The following GBF1 variants were observed in gnomAD, a reference collection of about 807,000 sequenced individuals.
GBF1 encodes the protein Golgi-specific brefeldin A-resistance guanine nucleotide exchange factor 1.
In GBF1, 114 loss-of-function variants were observed where a neutral mutation model predicts 210.5. The ratio of observed to expected loss-of-function variants is 0.54; its 90% CI spans 0.47 to 0.63. The LOEUF (loss-of-function observed/expected upper bound fraction) is 0.63, where lower values mean the gene tolerates loss of function less well. Among genes scored for constraint, GBF1 ranks in the 30% least tolerant of loss-of-function variants. GBF1 has a pLI of 0.00. For missense variants in GBF1, 1,851 were observed against 2,357.7 expected (o/e 0.79, Z 4.45); for synonymous variants, 850 against 889.2 (o/e 0.96, Z 0.78).
intron 3 of GBF1, among the ~76,000 whole-genome samples, chr10:102,322,605 C>G (rs1024207947): frequency 7.3e-5 from 11 of 149,938 alleles, no homozygotes; most frequent in Non-Finnish European, 1.5e-5. Context: ...GTTCTCCTTA[C>G]ATGTGGTGTC....
At chr10:102,303,940 T>A (rs1190286082) in intron 3 of GBF1, among the ~76,000 whole-genome samples, 1 of 152,188 alleles carries the variant, frequency 6.6e-6, no homozygotes, top group Admixed American at 6.5e-5. Flanking sequence ...AAACTGAGGC[T>A]TAGAGAAGTT....
At chr10:102,348,682 T>C (rs2058740558) in intron 4 of GBF1, among the ~76,000 whole-genome samples, 1 of 152,176 alleles carries the variant, frequency 6.6e-6, no homozygotes, top group South Asian at 2.1e-4. Flanking sequence ...TTATATGTCA[T>C]GAAACTGGCT....
chr10:102,325,564 AAAG>A (rs2056828285), intron 3 of GBF1, among the ~76,000 whole-genome samples: 2 of 151,574 alleles, frequency 1.3e-5, no homozygotes, highest in African/African-American at 2.4e-5. Context: ...AAAAAAAAAA[AAAG>A]AAAGAAAAAA....
chr10:102,289,688 T>C (rs900130743), intron 3 of GBF1, among the ~76,000 whole-genome samples: 6 of 152,202 alleles, frequency 3.9e-5, no homozygotes, highest in African/African-American at 1.4e-4. Flanking sequence ...GGAAAATCCT[T>C]TGGGTGTTTT....
intron 3 of GBF1, among the ~76,000 whole-genome samples, chr10:102,319,777 G>A (rs527787639): frequency 2.8e-5 from 4 of 141,950 alleles, no homozygotes; most frequent in Non-Finnish European, 6.0e-5. Flanking sequence ...CGCCCAGGCT[G>A]GAGTGCAGTG....
Position 102,362,564 on chromosome 10 carries a change from C to T in GBF1, c.1776C>T (p.His592=), listed in dbSNP as rs1277877553. ...LLTVIDSTEA[H]CQAKVLNSLT... is the part of the protein sequence containing the mutation. ...CAGTGATTGACAGCACCGAGGCCCA[C>T]TGCCAGGCTAAAGTCCTCAACAGCC... Residue 592 remains histidine (H), a synonymous_variant, in exon 15 of 40, where the codon CAC becomes CAT. Transcript: ENST00000369983. 6.2e-7 allele frequency: 1 copy of T among 1,614,050 alleles called. No individual in the cohort carries two copies. The highest frequency in any genetic ancestry group is 8.5e-7 in the Non-Finnish European group (1 of 1,179,868).
At chr10:102,261,414 C>T (rs867917496) in intron 3 of GBF1, among the ~76,000 whole-genome samples, 1 of 151,998 alleles carries the variant, frequency 6.6e-6, no homozygotes, top group Admixed American at 6.6e-5. Context: ...CAGTGTATAA[C>T]CCTGGAATGC....
intron 3 of GBF1, among the ~76,000 whole-genome samples, chr10:102,333,128 C>T (rs1488792760): frequency 6.6e-6 from 1 of 152,134 alleles, no homozygotes; most frequent in Non-Finnish European, 1.5e-5. Flanking sequence ...AAACTATGGC[C>T]CAGAGAAATG....
chr10:102,346,984 A>G (rs1381886660), intron 4 of GBF1, among the ~76,000 whole-genome samples: 1 of 152,090 alleles, frequency 6.6e-6, no homozygotes, highest in Non-Finnish European at 1.5e-5. Flanking sequence ...TAGGCCAAAT[A>G]TTTCCCTTAA....
At chr10:102,342,389 G>GCACA (rs144630206) in intron 3 of GBF1, among the ~76,000 whole-genome samples, 30 of 144,006 alleles carry the variant, frequency 2.1e-4, no homozygotes, top group African/African-American at 6.5e-4. Context: ...TCACACACAC[G>GCACA]CACACACACA....
intron 10 of GBF1, 89 bp from the exon 11 acceptor site, chr10:102,359,178 C>T (rs937345508): frequency 4.5e-6 from 4 of 895,180 alleles, no homozygotes; most frequent in African/African-American, 3.3e-5. Context: ...CCATTAGAGA[C>T]AGCTTGGAAG....
intron 3 of GBF1, among the ~76,000 whole-genome samples, chr10:102,340,190 G>A (rs553353067): frequency 6.0e-5 from 9 of 151,008 alleles, no homozygotes; most frequent in African/African-American, 1.9e-4. Flanking sequence ...CCTGACCTCA[G>A]GTGATCCACC....
At chr10:102,368,576 G>T in intron 22 of GBF1, 122 bp downstream of exon 22, 1 of 819,404 alleles carries the variant, frequency 1.2e-6, no homozygotes, top group South Asian at 1.6e-5. Context: ...TGAGTTTTTG[G>T]AGGGAGGCTG....
chr10:102,308,887 TA>T (rs903675884), intron 3 of GBF1, among the ~76,000 whole-genome samples: 73 of 144,404 alleles, frequency 5.1e-4, no homozygotes, highest in Admixed American at 1.2e-3. Context: ...ATAATAAAAT[TA>T]AAAAAAAAAA....
Position 102,361,009 on chromosome 10 carries a change from C to T in GBF1, c.1393-13C>T. 2 of 1,308,390 alleles carry T rather than the reference C, an allele frequency of 1.5e-6. No individual in the cohort carries two copies. Among genetic ancestry groups the T allele is most frequent in the Non-Finnish European group, 1.1e-6 (1 of 902,094 alleles). 81.0% of individuals were successfully genotyped at this position (1,308,390 alleles called of 1,614,324 possible). A position where few individuals can be genotyped will look rare whatever the true frequency, so the allele number is the denominator to read the frequency against. Reference sequence around the variant, plus strand: ...AAAAAAAAACTCATGGCCTACCCTGCTCTCATCTCCAGCTACTCAGCATAG... The same window carrying T: ...AAAAAAAAACTCATGGCCTACCCTGTTCTCATCTCCAGCTACTCAGCATAG... On this transcript the variant is annotated splice_polypyrimidine_tract_variant and intron_variant, in intron 12 of 39. Transcript: ENST00000369983.
chr10:102,359,292 C>G lies in GBF1; in HGVS notation c.1037C>G (p.Ser346Cys). 6.2e-7 allele frequency: 1 copy of G among 1,612,710 alleles called. No homozygotes were observed. Among genetic ancestry groups the G allele is most frequent in the Non-Finnish European group, 8.5e-7 (1 of 1,178,724 alleles). Reference protein sequence around the residue: ...LQQEGTHVEKSQSASVESIPE... With the variant: ...LQQEGTHVEKCQSASVESIPE... The stretch of plus-strand genomic sequence containing the variant: ...CAGGAAGGGACCCATGTGGAAAAGT[C>G]CCAGTCAGCATCTGTGGAGTCCATC... Residue 346 changes from serine to cysteine, a missense_variant, in exon 11 of 40, where the codon TCC becomes TGC. Around this residue, in one of 3 missense-constraint regions of GBF1, gnomAD observed 804 missense variants for 958.6 expected, o/e 0.84. Coordinates refer to ENST00000369983, the MANE Select transcript of GBF1 (RefSeq NM_001377137.1).
chr10:102,353,114 A>G (rs532760905), intron 7 of GBF1, among the ~76,000 whole-genome samples: 1 of 152,208 alleles, frequency 6.6e-6, no homozygotes, highest in Admixed American at 6.5e-5. Context: ...TTTGCTCTCA[A>G]ATCTATAGAT....
the GBF1 span, chr10:102,231,919 A>G: frequency 7.0e-6 from 11 of 1,564,362 alleles, no homozygotes; most frequent in Non-Finnish European, 7.9e-6. Context: ...CGCACTGGGG[A>G]TGAAGCTGTT....
chr10:102,344,204 C>T (rs772978717), intron 4 of GBF1, 22 bp downstream of exon 4: 3 of 1,612,274 alleles, frequency 1.9e-6, no homozygotes, highest in Admixed American at 1.7e-5. Context: ...GGCTTTGTTG[C>T]ATGACCACAG....
Sources: gnomAD v4.1 joint callset for allele counts (sites outside exome capture counted in the v4.1 genomes callset) on GRCh38, gnomAD v4.1.1 for gene constraint, gnomAD v4.1.1 regional missense constraint, MANE v1.5 for transcripts, NCBI Gene and HGNC (gene_info 2026-07-23, HGNC 2026-07-21) for gene names.